GRIK3: variants seen among roughly 807,000 people sequenced by gnomAD.
GRIK3 encodes the protein glutamate receptor ionotropic, kainate 3.
GRIK3 carries 29 observed loss-of-function variants against 102.5 expected under a neutral mutation model. The ratio of observed to expected loss-of-function variants is 0.28; its 90% confidence interval spans 0.21 to 0.39. GRIK3 has a LOEUF of 0.39. GRIK3 is among the 10% of genes least tolerant of loss of function. The probability of loss-of-function intolerance (pLI) is 1.00; values close to 1 mark genes in which losing one functional copy is unlikely to be tolerated. For missense variants in GRIK3, 908 were observed against 1,252.4 expected (o/e 0.73, Z 4.15); for synonymous variants, 511 against 504.9 (o/e 1.01, Z -0.16).
intron 10 of GRIK3, among the ~76,000 whole-genome samples, chr1:36,833,473 G>A (rs1448345141): frequency 6.6e-6 from 1 of 152,170 alleles, no homozygotes; most frequent in East Asian, 1.9e-4. Context: ...GCTGGTCGGG[G>A]GAGGGCTGGG....
chr1:36,863,784 C>T (rs936850452), intron 5 of GRIK3, among the ~76,000 whole-genome samples: 1 of 152,178 alleles, frequency 6.6e-6, no homozygotes, highest in Non-Finnish European at 1.5e-5. Flanking sequence ...GTAACAACTG[C>T]TTGTGTCTGG....
chr1:36,869,901 G>T, intron 4 of GRIK3, 100 bp from the exon 5 acceptor site: 1 of 822,898 alleles, frequency 1.2e-6, no homozygotes, highest in South Asian at 1.4e-5. Flanking sequence ...GTGGGTTGGG[G>T]AAGGCTGGCT....
intron 1 of GRIK3, among the ~76,000 whole-genome samples, chr1:36,892,008 TTTTA>T (rs541642218): frequency 2.8e-4 from 42 of 151,982 alleles, no homozygotes; most frequent in African/African-American, 9.7e-4. Context: ...GCAGTTCCAG[TTTTA>T]TTTATTTATT....
intron 1 of GRIK3, among the ~76,000 whole-genome samples, chr1:36,921,671 G>T (rs1641475149): frequency 6.6e-6 from 1 of 152,032 alleles, no homozygotes; most frequent in Admixed American, 6.6e-5. Flanking sequence ...TGCAGTAGAT[G>T]ATAAGAAAGC....
chr1:36,829,165 G>A (rs758993335), intron 10 of GRIK3, among the ~76,000 whole-genome samples: 7 of 152,294 alleles, frequency 4.6e-5, no homozygotes, highest in Middle Eastern at 3.4e-3. Context: ...CGTTAGTTAC[G>A]ATTTCCCTGA....
chr1:37,012,382 A>G (rs571666804), intron 1 of GRIK3, among the ~76,000 whole-genome samples: 4 of 152,156 alleles, frequency 2.6e-5, no homozygotes, highest in Non-Finnish European at 5.9e-5. Flanking sequence ...TCTTCATGAC[A>G]CCAAAACATT....
intron 10 of GRIK3, among the ~76,000 whole-genome samples, chr1:36,827,663 T>C (rs1382690268): frequency 6.6e-6 from 1 of 152,162 alleles, no homozygotes. Flanking sequence ...CTGCTAACAC[T>C]AGCTCTGACT....
chr1:36,911,607 A>G (rs563948348), intron 1 of GRIK3, among the ~76,000 whole-genome samples: 26 of 152,164 alleles, frequency 1.7e-4, no homozygotes, highest in African/African-American at 5.8e-4. Flanking sequence ...GCCTGGTGGC[A>G]GTTGTTTTAA....
At chr1:36,996,709 C>T (rs1191119437) in intron 1 of GRIK3, among the ~76,000 whole-genome samples, 3 of 152,146 alleles carry the variant, frequency 2.0e-5, no homozygotes, top group Non-Finnish European at 4.4e-5. Flanking sequence ...TGGGGAACAG[C>T]GGTGTCTCTG....
chr1:36,897,414 C>T (rs1202626000), intron 1 of GRIK3, among the ~76,000 whole-genome samples: 1 of 152,064 alleles, frequency 6.6e-6, no homozygotes. Context: ...GACAAACTAC[C>T]TAGGACTTAA....
chr1:36,915,334 T>C (rs1050559935), intron 1 of GRIK3, among the ~76,000 whole-genome samples: 10 of 152,226 alleles, frequency 6.6e-5, no homozygotes, highest in Non-Finnish European at 1.0e-4. Flanking sequence ...GCAGATCTTA[T>C]CAGCTTGTTC....
At chr1:36,961,514 C>T (rs1373396957) in intron 1 of GRIK3, among the ~76,000 whole-genome samples, 1 of 152,198 alleles carries the variant, frequency 6.6e-6, no homozygotes, top group Admixed American at 6.5e-5. Context: ...AGGCCACAGC[C>T]CACGAGCAAG....
rs780052131 is a variant in GRIK3, at chr1:36,817,030, G to A, written c.2091+30C>T. The A allele has an allele frequency of 2.0e-5, 29 of 1,472,880 alleles. No individual in the cohort carries two copies. The Middle Eastern group carries it at 9.1e-4, about 46-fold the overall frequency. The allele number at this position is 1,472,880 out of a possible 1,614,324, so 91.2% of individuals were successfully genotyped here. On this transcript the variant is annotated intron_variant, in intron 13 of 15. Coordinates refer to ENST00000373091, the MANE Select transcript of GRIK3 (RefSeq NM_000831.4). ...AAGGGTCCGGAGAGGATCAGCTCAC[G>A]GTGCTGCAATAGGAGGGAGAGGGCC...
intron 1 of GRIK3, among the ~76,000 whole-genome samples, chr1:36,914,821 C>T (rs1489753879): frequency 6.6e-6 from 1 of 152,136 alleles, no homozygotes; most frequent in Admixed American, 6.6e-5. Context: ...GTGATTACTC[C>T]ACTAGACTCT....
chr1:36,812,459 C>G (rs1642573201), intron 13 of GRIK3, among the ~76,000 whole-genome samples: 1 of 152,194 alleles, frequency 6.6e-6, no homozygotes, highest in South Asian at 2.1e-4. Context: ...AAAGAACACG[C>G]TTTCCCAACG....
intron 1 of GRIK3, among the ~76,000 whole-genome samples, chr1:36,920,706 C>T (rs953941166): frequency 3.3e-5 from 5 of 152,220 alleles, no homozygotes; most frequent in Non-Finnish European, 5.9e-5. Flanking sequence ...CCAAGGCCTC[C>T]GTGCCCCTCC....
At chr1:36,965,309 C>T (rs12119169) in intron 1 of GRIK3, among the ~76,000 whole-genome samples, 15,230 of 152,066 alleles carry the variant, frequency 0.1, 871 homozygotes, top group African/African-American at 0.16. Flanking sequence ...CCAAGTTGAC[C>T]AAGGCAGGTA....
intron 1 of GRIK3, among the ~76,000 whole-genome samples, chr1:36,921,724 G>T (rs1306331546): frequency 6.6e-6 from 1 of 151,912 alleles, no homozygotes; most frequent in Non-Finnish European, 1.5e-5. Flanking sequence ...TTCTTTCTTA[G>T]GGAAGTACAT....
At chr1:36,862,615 G>C (rs1023933791) in intron 5 of GRIK3, among the ~76,000 whole-genome samples, 5 of 152,054 alleles carry the variant, frequency 3.3e-5, no homozygotes, top group African/African-American at 4.8e-5. Context: ...GCAGCAAAGA[G>C]GGGAGAGAAT....
Sources: allele counts gnomAD v4.1 joint callset (sites outside exome capture counted in the v4.1 genomes callset), GRCh38; gene constraint gnomAD v4.1.1; transcripts MANE v1.5; gene names NCBI Gene and HGNC (gene_info 2026-07-23, HGNC 2026-07-21).